Variants in IGSF9 observed in about 807,000 individuals in gnomAD.
The protein encoded by IGSF9 is immunoglobulin superfamily member 9.
In IGSF9, 87 loss-of-function variants were observed where a neutral mutation model predicts 121.7. The observed-to-expected ratio is 0.71, with a 90% CI of 0.60 to 0.85. The LOEUF (loss-of-function observed/expected upper bound fraction) is 0.85. Ranked by LOEUF, IGSF9 falls within the 40% of genes least tolerant of loss-of-function variation. IGSF9 has a pLI of 0.00. For missense variants in IGSF9, 1,462 were observed against 1,565.3 expected, an observed-to-expected ratio of 0.93 and a Z score of 1.11; for synonymous variants, 640 against 648.4, an observed-to-expected ratio of 0.99 and a Z score of 0.20.
rs1315766628 is a variant in IGSF9 at position 159,927,230 on chromosome 1, C to T, written c.*115G>A. ...CCCAAACCCACTATCAGGGTCTGTGCCTGGGCACCAAAGGGGCAGGCAGGG... is the reference window on the plus strand; with the variant it reads ...CCCAAACCCACTATCAGGGTCTGTGTCTGGGCACCAAAGGGGCAGGCAGGG... On this transcript the variant is annotated 3_prime_UTR_variant, in exon 21 of 21. Coordinates refer to ENST00000368094, the MANE Select transcript of IGSF9 (RefSeq NM_001135050.2). 2.3e-6 allele frequency: 3 copies of T among 1,277,922 alleles called. No individual in the cohort carries two copies. Among genetic ancestry groups the T allele is most frequent in the South Asian group, 2.5e-5 (2 of 79,994 alleles). 79.2% of individuals were successfully genotyped at this position (1,277,922 alleles called of 1,614,324 possible). A position where few individuals can be genotyped will look rare whatever the true frequency, so the allele number is the denominator to read the frequency against.
rs778015886 is a variant in IGSF9 at position 159,928,175 on chromosome 1, C to A, written c.3213G>T (p.Val1071=). 4.4e-6 allele frequency: 7 copies of A among 1,609,016 alleles called. No individual in the cohort carries two copies. The East Asian group carries it at 1.1e-4, about 26-fold the overall frequency. Residue 1071 remains valine (V), a synonymous_variant, in exon 19 of 21, where the codon GTG becomes GTT. Coordinates refer to ENST00000368094, the MANE Select transcript of IGSF9 (RefSeq NM_001135050.2). ...GPERWPRREH[V]VTVSKRRNTS... is the part of the protein sequence containing the mutation. The stretch of plus-strand genomic sequence containing the variant: ...GCTCTCACCTCTTGCTGACTGTCAC[C>A]ACATGCTCCCTTCGGGGCCATCTCT...
At chr1:159,929,218 T>A in intron 18 of IGSF9, 133 bp downstream of exon 18, 1 of 1,342,234 alleles carries the variant, frequency 7.5e-7, no homozygotes, top group South Asian at 1.2e-5. Flanking sequence ...TGCACACCCC[T>A]TCTTACCCTC....
In IGSF9 at chr1:159,930,193, A is replaced by T. The variant is rs763306176; in HGVS notation, c.2060T>A (p.Ile687Asn). Reference sequence around the variant, plus strand: ...TGTATCGCCTTTCGCACATACCTTGATGAGGCCTGGCACCAGCAGCTCTGT... The same window carrying T: ...TGTATCGCCTTTCGCACATACCTTGTTGAGGCCTGGCACCAGCAGCTCTGT... ...TETELLVPGL[I>N]KDVLYEFRLV... The change falls in exon 15 of 21, where the codon ATC becomes AAC. Residue 687 changes from isoleucine (I) to asparagine (N), a missense_variant. Coordinates refer to ENST00000368094, the MANE Select transcript of IGSF9 (RefSeq NM_001135050.2). The T allele has an allele frequency of 1.2e-6, 2 of 1,605,420 alleles. No individual in the cohort carries two copies. Among genetic ancestry groups the T allele is most frequent in the Admixed American group, 1.7e-5 (1 of 59,120 alleles).
rs994499325 is a variant in IGSF9 at position 159,934,487 on chromosome 1, G to A, written c.899C>T (p.Thr300Ile). 2 of 1,610,568 alleles carry A rather than the reference G, an allele frequency of 1.2e-6. No homozygotes were observed. The highest frequency in any genetic ancestry group is 8.5e-7 in the Non-Finnish European group (1 of 1,178,502). Residue 300 changes from threonine to isoleucine, a missense_variant, in exon 8 of 21, where the codon ACC (threonine) becomes ATC (isoleucine). Transcript: ENST00000368094. Reference sequence around the variant, plus strand: ...CAGGAGGCCATTGCTGGGCACACAGGTGTAGCAGCCGGCATCATCAGGCTG... The same window carrying A: ...CAGGAGGCCATTGCTGGGCACACAGATGTAGCAGCCGGCATCATCAGGCTG... ...ATQPDDAGCYTCVPSNGLLHP... is the reference protein window; with the variant it reads ...ATQPDDAGCYICVPSNGLLHP...
chr1:159,928,229 T>C lies in IGSF9; in HGVS notation c.3159A>G (p.Gly1053=). Residue 1053 remains glycine (G), a synonymous_variant, in exon 19 of 21, where the codon GGA becomes GGG. Transcript: ENST00000368094. The part of the protein sequence containing the change: ...AGGSYLSPAP[G]DTSSWASGPE... The stretch of plus-strand genomic sequence containing the variant: ...GGCCACTGGCCCAGCTGCTGGTGTC[T>C]CCTGGAGCAGGGCTGAGGTAGCTGC... 1 of 1,613,148 alleles carries C rather than the reference T, an allele frequency of 6.2e-7. No homozygotes were observed. The highest frequency in any genetic ancestry group is 8.5e-7 in the Non-Finnish European group (1 of 1,179,894).
intron 1 of IGSF9, among the ~76,000 whole-genome samples, chr1:159,944,715 T>C (rs556109693): frequency 2.6e-5 from 4 of 152,128 alleles, no homozygotes; most frequent in Non-Finnish European, 4.4e-5. Flanking sequence ...CCAAGTGGAC[T>C]CTGCTCTGAG....
chr1:159,929,920 G>C lies in IGSF9; in HGVS notation c.2120C>G (p.Pro707Arg). Residue 707 changes from proline to arginine, a missense_variant, in exon 16 of 21, where the codon CCC (proline) becomes CGC (arginine). Around this residue, in one of 3 missense-constraint regions of IGSF9, gnomAD observed 808 missense variants for 815.2 expected, o/e 0.99. Coordinates refer to ENST00000368094, the MANE Select transcript of IGSF9 (RefSeq NM_001135050.2). ...AGTGGAGACGTTGGCCGTGTTGCTG[G>C]GGTCGCTGACGAAGCTGCCCGCGAA... is the stretch of plus-strand genomic sequence containing the variant. ...VAFAGSFVSDPSNTANVSTSG... is the reference protein window; with the variant it reads ...VAFAGSFVSDRSNTANVSTSG... 6.3e-7 allele frequency: 1 copy of C among 1,577,702 alleles called. No homozygotes were observed. The highest frequency in any genetic ancestry group is 1.8e-5 in the Admixed American group (1 of 54,092).
chr1:159,941,385 G>A (rs1275974645), intron 3 of IGSF9, among the ~76,000 whole-genome samples: 1 of 152,200 alleles, frequency 6.6e-6, no homozygotes, highest in East Asian at 1.9e-4. Context: ...TGGGCTCAGG[G>A]GCCTCCCTCA....
At position 159,928,747 on chromosome 1, in the gene IGSF9, C is replaced by T. The variant is rs369389237; in HGVS notation, c.2641G>A (p.Ala881Thr). 4.1e-6 allele frequency: 6 copies of T among 1,478,130 alleles called. No individual in the cohort carries two copies. Among genetic ancestry groups the T allele is most frequent in the Non-Finnish European group, 5.4e-6 (6 of 1,112,068 alleles). 91.6% of individuals were successfully genotyped at this position (1,478,130 alleles called of 1,614,324 possible). A position where few individuals can be genotyped will look rare whatever the true frequency, so the allele number is the denominator to read the frequency against. ...AEPRTPAQRL[A>T]RSFDCSSSSP... ...CTGCTGCTACAGTCAAAGGACCGGG[C>T]CAGACGCTGGGCTGGAGTCCGAGGT... Residue 881 changes from alanine (A) to threonine (T), a missense_variant, in exon 19 of 21, where the codon GCC (alanine) becomes ACC (threonine). Physicochemically the swap from Ala to Thr is moderately conservative, Grantham distance 58. Coordinates refer to ENST00000368094, the MANE Select transcript of IGSF9 (RefSeq NM_001135050.2).
intron 19 of IGSF9, 33 bp from the exon 20 acceptor site, chr1:159,927,920 T>C: frequency 6.3e-7 from 1 of 1,599,662 alleles, no homozygotes; most frequent in Non-Finnish European, 8.5e-7. Flanking sequence ...AAACATATGG[T>C]GTGGGTGGAG....
intron 3 of IGSF9, 68 bp from the exon 4 acceptor site, chr1:159,937,906 C>T: frequency 6.6e-7 from 1 of 1,507,796 alleles, no homozygotes; most frequent in South Asian, 1.2e-5. Flanking sequence ...CCTGGTCACA[C>T]TGGTAATTCT....
rs748316982 is a variant in IGSF9, at chr1:159,929,653, TGCG to T, written c.2308_2310del (p.Arg770del). On this transcript the variant is annotated inframe_deletion, in exon 17 of 21. Transcript: ENST00000368094. ...AGGGACTTACCTTGGCGGAGGCGCTTGCGGCGGCGGCGGGCAGCCCTGCGCCGG... is the reference window on the plus strand; with the variant it reads ...AGGGACTTACCTTGGCGGAGGCGCTTGCGGCGGCGGGCAGCCCTGCGCCGG... 16 of 1,594,274 alleles carry T rather than the reference TGCG, an allele frequency of 1.0e-5. No homozygotes were observed. The highest frequency in any genetic ancestry group is 8.0e-5 in the African/African-American group (6 of 74,742).
At chr1:159,945,151 G>A (rs535026482) in intron 1 of IGSF9, among the ~76,000 whole-genome samples, 1 of 150,572 alleles carries the variant, frequency 6.6e-6, no homozygotes, top group East Asian at 2.0e-4. Context: ...ATCTCCAATT[G>A]CAGCAGGTCT....
Position 159,936,740 on chromosome 1 carries a change from C to T in IGSF9, c.555+14G>A. 6.2e-7 allele frequency: 1 copy of T among 1,613,692 alleles called. No individual in the cohort carries two copies. The highest frequency in any genetic ancestry group is 8.5e-7 in the Non-Finnish European group (1 of 1,179,738). ...CACTCTATATGGCTCACTCTGTCCA[C>T]CCCCAGGACTCACTTGCACCTGGCC... On this transcript the variant is annotated intron_variant, in intron 5 of 20. Coordinates refer to ENST00000368094, the MANE Select transcript of IGSF9 (RefSeq NM_001135050.2).
rs1651047977 is a variant in IGSF9, at chr1:159,932,944, G to A, written c.1105-292C>T. Reference sequence around the variant, plus strand: ...TTGGGCCGCGTGGGGCTTCCTGCCTGCTGGGACTTCACCTGGCTCTCTTCC... The same window carrying A: ...TTGGGCCGCGTGGGGCTTCCTGCCTACTGGGACTTCACCTGGCTCTCTTCC... On this transcript the variant is annotated intron_variant, in intron 9 of 20. Transcript: ENST00000368094. This position sits in a 1 kb window ranked among gnomAD's most constrained non-coding sequence, Gnocchi z 4.1. 1.0e-5 allele frequency: 3 copies of A among 298,242 alleles called. No homozygotes were observed. The highest frequency in any genetic ancestry group is 1.2e-5 in the Non-Finnish European group (2 of 161,032). The allele number at this position is 298,242 out of a possible 1,614,324, so 18.5% of individuals were successfully genotyped here.
intron 15 of IGSF9, 21 bp downstream of exon 15, chr1:159,930,168 T>C (rs1206071537): frequency 1.3e-6 from 2 of 1,584,560 alleles, no homozygotes; most frequent in Non-Finnish European, 8.6e-7. Context: ...GGCCTCTCTC[T>C]GTATCGCCTT....
chr1:159,931,812 C>T lies in IGSF9; in HGVS notation c.1362G>A (p.Lys454=). Reference sequence around the variant, plus strand: ...GGCAGAGCGGGCTCAGGAGCCTTACCTTGGTCCAAGAGACAACAGGAGGAG... The same window carrying T: ...GGCAGAGCGGGCTCAGGAGCCTTACTTTGGTCCAAGAGACAACAGGAGGAG... ...GDPPPVVSWT[K]VGRGLQGQAQ... The change falls in exon 11 of 21, where the codon AAG becomes AAA. Residue 454 remains lysine (K), a splice_region_variant and synonymous_variant. Coordinates refer to ENST00000368094, the MANE Select transcript of IGSF9 (RefSeq NM_001135050.2). The surrounding 1 kb of genome is among the most constrained non-coding windows in gnomAD (Gnocchi z 4.8). 1 of 1,563,712 alleles carries T rather than the reference C, an allele frequency of 6.4e-7. No homozygotes were observed. The highest frequency in any genetic ancestry group is 1.2e-5 in the South Asian group (1 of 83,976).
chr1:159,943,578 G>C lies in IGSF9; in HGVS notation c.-124C>G, dbSNP rs905544207. On this transcript the variant is annotated 5_prime_UTR_variant, in exon 2 of 21. Coordinates refer to ENST00000368094, the MANE Select transcript of IGSF9 (RefSeq NM_001135050.2). ...GCTCTCACTCTTCTGTACAGTGAGG[G>C]CTTGGCTCATGTAACACCCGAGGAA... The C allele has an allele frequency of 3.4e-6, 3 of 873,902 alleles. No individual in the cohort carries two copies. Among genetic ancestry groups the C allele is most frequent in the African/African-American group, 1.8e-5 (1 of 57,042 alleles). 54.1% of individuals were successfully genotyped at this position (873,902 alleles called of 1,614,324 possible). A position where few individuals can be genotyped will look rare whatever the true frequency, so the allele number is the denominator to read the frequency against.
At position 159,928,037 on chromosome 1, in the gene IGSF9, G is replaced by A; in HGVS notation, c.3230+121C>T. 9 of 1,486,102 alleles carry A rather than the reference G, an allele frequency of 6.1e-6. No homozygotes were observed. The South Asian group carries it at 9.2e-5, about 15-fold the overall frequency. The allele number at this position is 1,486,102 out of a possible 1,614,324, so 92.1% of individuals were successfully genotyped here. On this transcript the variant is annotated intron_variant, in intron 19 of 20. Coordinates refer to ENST00000368094, the MANE Select transcript of IGSF9 (RefSeq NM_001135050.2). ...GACCTCAGCAAAAGCTTCTAAAAGG[G>A]ACAAGTTTTCCCGTTCCCAGGGTGG...
Sources: gnomAD v4.1 joint callset for allele counts (sites outside exome capture counted in the v4.1 genomes callset) on GRCh38, gnomAD v4.1.1 for gene constraint, gnomAD v4.1.1 regional missense constraint, Gnocchi (gnomAD v3.1) non-coding constraint, MANE v1.5 for transcripts, NCBI Gene and HGNC (gene_info 2026-07-23, HGNC 2026-07-21) for gene names.